Variants in EGFL6 observed in about 807,000 individuals in gnomAD.
EGFL6 encodes the protein epidermal growth factor-like protein 6.
EGFL6 carries 42 observed loss-of-function variants against 43.1 expected under a neutral mutation model. That is an observed-to-expected ratio of 0.98 (90% CI 0.76 to 1.26). The LOEUF (loss-of-function observed/expected upper bound fraction) is 1.26, where lower values mean the gene tolerates loss of function less well. Ranked by LOEUF, EGFL6 falls within the 50% of genes most tolerant of loss-of-function variation. The pLI, the probability that EGFL6 is intolerant of heterozygous loss-of-function variation, is 0.00. For synonymous variants in EGFL6, 164 were observed against 163.2 expected, an observed-to-expected ratio of 1.01 and a Z score of -0.04; for missense variants, 429 against 427.8, an observed-to-expected ratio of 1.00 and a Z score of -0.02.
At chrX:13,628,673 T>C (rs979219542) in intron 11 of EGFL6, among the ~76,000 whole-genome samples, 1 of 111,178 alleles carries the variant, frequency 9.0e-6, no homozygotes, top group Non-Finnish European at 1.9e-5. Flanking sequence ...ATTAGCCAGG[T>C]GTGCAAGCCT....
chrX:13,586,353 T>C (rs2045533538), intron 1 of EGFL6, among the ~76,000 whole-genome samples: 1 of 112,065 alleles, frequency 8.9e-6, no homozygotes, highest in South Asian at 3.7e-4. Context: ...GAAAGTTAAA[T>C]ATACAACTAT....
At position 13,623,351 on chromosome X, in the gene EGFL6, A is replaced by T. The variant is rs202086124; in HGVS notation, c.1184-473A>T. Among the ~76,000 whole-genome samples the T allele has an allele frequency of 7.4e-3, 586 of 79,482 alleles. 5 individuals carry two copies. Among genetic ancestry groups the T allele is most frequent in the East Asian group, 0.026 (58 of 2,246 alleles). 69.0% of individuals were successfully genotyped at this position (79,482 alleles called of 115,157 possible). A position where few individuals can be genotyped will look rare whatever the true frequency, so the allele number is the denominator to read the frequency against. On this transcript the variant is annotated intron_variant, in intron 9 of 11. Coordinates refer to ENST00000361306, the MANE Select transcript of EGFL6 (RefSeq NM_015507.4). Reference sequence around the variant, plus strand: ...CCCATTACTAATTTTTTTTTTTTTTAAAAAAGGGTTTTTGTTTTATTTTGG... The same window carrying T: ...CCCATTACTAATTTTTTTTTTTTTTTAAAAAGGGTTTTTGTTTTATTTTGG...
In EGFL6 at chrX:13,606,522, C is replaced by A. The variant is rs7878957; in HGVS notation, c.655+9C>A. ...ACGATATGACTGTATAGGTAAGATT[C>A]GATGGCACCTTTTCCTTTTTTTCCT... On this transcript the variant is annotated intron_variant, in intron 6 of 11. Coordinates refer to ENST00000361306, the MANE Select transcript of EGFL6 (RefSeq NM_015507.4). The A allele has an allele frequency of 8.3e-7, 1 of 1,205,857 alleles. No individual in the cohort carries two copies. The highest frequency in any genetic ancestry group is 2.2e-5 in the Admixed American group (1 of 45,672).
Position 13,594,821 on chromosome X carries a change from C to A in EGFL6, c.188-15C>A, listed in dbSNP as rs1781566829. The A allele has an allele frequency of 8.3e-7, 1 of 1,200,983 alleles. No individual in the cohort carries two copies. The highest frequency in any genetic ancestry group is 2.2e-5 in the Admixed American group (1 of 45,501). ...TACTGTTCTTTTATCATCAAGACAT[C>A]TTTTCCTTCCACAGCTACATGCGAA... On this transcript the variant is annotated splice_polypyrimidine_tract_variant and intron_variant, in intron 2 of 11. Transcript: ENST00000361306.
chrX:13,612,614 C>T (rs772519791), intron 7 of EGFL6, among the ~76,000 whole-genome samples: 20 of 110,471 alleles, frequency 1.8e-4, no homozygotes, highest in African/African-American at 5.9e-4. Context: ...ACTTCCCAGA[C>T]GGGGCGGCTG....
At position 13,594,819 on chromosome X, in the gene EGFL6, A is replaced by T; in HGVS notation, c.188-17A>T. The T allele has an allele frequency of 8.3e-7, 1 of 1,201,787 alleles. No homozygotes were observed. Among genetic ancestry groups the T allele is most frequent in the Non-Finnish European group, 1.1e-6 (1 of 887,753 alleles). On this transcript the variant is annotated splice_polypyrimidine_tract_variant and intron_variant, in intron 2 of 11. Transcript: ENST00000361306. ...ACTACTGTTCTTTTATCATCAAGAC[A>T]TCTTTTCCTTCCACAGCTACATGCG...
At chrX:13,619,127 G>T (rs1464822231) in intron 8 of EGFL6, 36 bp from the exon 9 acceptor site, 1 of 1,145,051 alleles carries the variant, frequency 8.7e-7, no homozygotes. Context: ...TGGGCTTTAA[G>T]GTTTTTTTCT....
chrX:13,608,587 A>G (rs2045673410), intron 7 of EGFL6, 141 bp downstream of exon 7: 1 of 738,084 alleles, frequency 1.4e-6, no homozygotes, highest in Non-Finnish European at 1.9e-6. Context: ...GTGTGTGTGC[A>G]GTGTTTAACT....
At chrX:13,614,206 T>C (rs2045706681) in intron 7 of EGFL6, among the ~76,000 whole-genome samples, 1 of 112,050 alleles carries the variant, frequency 8.9e-6, no homozygotes, top group South Asian at 3.7e-4. Context: ...AAAATGGGCT[T>C]CAGGATTATG....
intron 10 of EGFL6, 133 bp downstream of exon 10, chrX:13,624,058 C>T (rs967202057): frequency 2.4e-5 from 11 of 465,265 alleles, no homozygotes; most frequent in Non-Finnish European, 4.0e-5. Context: ...TTTAGACCTT[C>T]TGAGCTCTCC....
intron 1 of EGFL6, among the ~76,000 whole-genome samples, chrX:13,571,121 CA>C (rs2045440623): frequency 1.0e-5 from 1 of 96,099 alleles, no homozygotes; most frequent in African/African-American, 3.8e-5. Context: ...CCACCACCAC[CA>C]CCACCACCAA....
chrX:13,575,218 G>T (rs2084324551), intron 1 of EGFL6, among the ~76,000 whole-genome samples: 1 of 112,067 alleles, frequency 8.9e-6, no homozygotes, highest in Non-Finnish European at 1.9e-5. Flanking sequence ...ATCACCTGAG[G>T]TTGGGAGTTT....
At chrX:13,632,874 G>A (rs975216149) in intron 11 of EGFL6, 111 bp from the exon 12 acceptor site, 19 of 671,221 alleles carry the variant, frequency 2.8e-5, no homozygotes, top group African/African-American at 8.9e-5. Flanking sequence ...ATTCAATGTC[G>A]AAGCCGGTTT....
chrX:13,627,708 T>A (rs2045789216), intron 11 of EGFL6, among the ~76,000 whole-genome samples: 1 of 111,766 alleles, frequency 8.9e-6, no homozygotes, highest in African/African-American at 3.3e-5. Flanking sequence ...GGACCACCCT[T>A]AGGTTCAGTG....
chrX:13,592,365 CT>C (rs1386196277), intron 2 of EGFL6, among the ~76,000 whole-genome samples: 1 of 111,871 alleles, frequency 8.9e-6, no homozygotes, highest in Non-Finnish European at 1.9e-5. Flanking sequence ...GCATTTTTCC[CT>C]TATGATTTGT....
At chrX:13,582,356 C>G (rs1288622369) in intron 1 of EGFL6, among the ~76,000 whole-genome samples, 2 of 111,002 alleles carry the variant, frequency 1.8e-5, no homozygotes, top group Non-Finnish European at 1.9e-5. Flanking sequence ...CCACTGCGCC[C>G]GGCCGAGTTG....
intron 2 of EGFL6, among the ~76,000 whole-genome samples, chrX:13,592,217 A>G (rs1387555994): frequency 1.1e-5 from 1 of 94,548 alleles, no homozygotes; most frequent in Admixed American, 1.2e-4. Context: ...TCAGGGCTTA[A>G]AAAAAAAAAA....
chrX:13,630,627 T>C (rs772362921), intron 11 of EGFL6, among the ~76,000 whole-genome samples: 2 of 112,466 alleles, frequency 1.8e-5, no homozygotes, highest in African/African-American at 3.2e-5. Context: ...TAATAACTTG[T>C]TTCCAATAGT....
chrX:13,624,093 A>AGCATATATTCTC (rs2045765634), intron 10 of EGFL6, among the ~76,000 whole-genome samples, 168 bp downstream of exon 10: 1 of 111,275 alleles, frequency 9.0e-6, no homozygotes, highest in South Asian at 3.9e-4. Context: ...AACTTGGTCC[A>AGCATATATTCTC]GCATATATTC....
Sources: allele counts gnomAD v4.1 joint callset (sites outside exome capture counted in the v4.1 genomes callset), GRCh38; gene constraint gnomAD v4.1.1; transcripts MANE v1.5; gene names NCBI Gene and HGNC (gene_info 2026-07-23, HGNC 2026-07-21).